Variants in RXFP2 observed in about 807,000 individuals in gnomAD.
The protein encoded by RXFP2 is relaxin receptor 2.
A neutral mutation model predicts 88.6 loss-of-function variants in RXFP2; 68 were observed. That is an observed-to-expected ratio of 0.77 (90% confidence interval 0.63 to 0.94). The LOEUF is 0.94. Ranked by LOEUF, RXFP2 falls within the 40% of genes least tolerant of loss-of-function variation. The pLI, the probability that RXFP2 is intolerant of heterozygous loss-of-function variation, is 0.00. For synonymous variants in RXFP2, 329 were observed against 306.8 expected, an observed-to-expected ratio of 1.07 and a Z score of -0.76; for missense variants, 791 against 893.9, an observed-to-expected ratio of 0.88 and a Z score of 1.47.
chr13:31,761,916 T>C, intron 3 of RXFP2, 115 bp downstream of exon 3: 1 of 704,876 alleles, frequency 1.4e-6, no homozygotes, highest in Non-Finnish European at 2.6e-6. Flanking sequence ...TTTAGTTCAA[T>C]GTATTTCACT....
rs191494115 is a variant in RXFP2, at chr13:31,790,270, G to A, written c.1145+1077G>A. On this transcript the variant is annotated intron_variant, in intron 14 of 17. Coordinates refer to ENST00000298386, the MANE Select transcript of RXFP2 (RefSeq NM_130806.5). Reference sequence around the variant, plus strand: ...AGTAGTGTGGTCACAGCGCAAGGGGGCCCTGAACCACTGAGAGATGCTAGA... The same window carrying A: ...AGTAGTGTGGTCACAGCGCAAGGGGACCCTGAACCACTGAGAGATGCTAGA... Among the ~76,000 whole-genome samples, 9 of 152,206 alleles carry A rather than the reference G, an allele frequency of 5.9e-5. No individual in the cohort carries two copies. In the East Asian group the frequency reaches 1.5e-3, roughly 26 times the overall value.
In RXFP2 at chr13:31,791,887, T is replaced by A. The variant is rs753697311; in HGVS notation, c.1227T>A (p.Phe409Leu). 3.1e-6 allele frequency: 5 copies of A among 1,614,218 alleles called. No individual in the cohort carries two copies. The highest frequency in any genetic ancestry group is 4.2e-6 in the Non-Finnish European group (5 of 1,180,034). Residue 409 changes from phenylalanine (F) to leucine (L), a missense_variant, in exon 15 of 18, where the codon TTT (phenylalanine) becomes TTA (leucine). Transcript: ENST00000298386. ...CMPLTDGISS[F>L]EDLLANNILR... ...CCTTGACGGACGGCATTTCTTCATTTGAGGACCTCTTGGCTAACAATATCC... is the reference window on the plus strand; with the variant it reads ...CCTTGACGGACGGCATTTCTTCATTAGAGGACCTCTTGGCTAACAATATCC...
rs775359709 is a variant in RXFP2 at position 31,792,740 on chromosome 13, G to A, written c.1438G>A (p.Gly480Arg). 3.7e-6 allele frequency: 6 copies of A among 1,614,010 alleles called. No homozygotes were observed. In the African/African-American group the frequency reaches 8.0e-5, roughly 22 times the overall value. The change falls in exon 16 of 18, where the codon GGG becomes AGG. Residue 480 changes from glycine (G) to arginine (R), a missense_variant. Coordinates refer to ENST00000298386, the MANE Select transcript of RXFP2 (RefSeq NM_130806.5). ...FVGIFDIKYR[G>R]QYQKYALLWM... Reference sequence around the variant, plus strand: ...TGGCATTTTCGATATAAAATACCGAGGGCAGTATCAGAAGTATGCCTTGCT... The same window carrying A: ...TGGCATTTTCGATATAAAATACCGAAGGCAGTATCAGAAGTATGCCTTGCT...
intron 5 of RXFP2, among the ~76,000 whole-genome samples, chr13:31,770,958 C>T (rs1342926176): frequency 6.6e-6 from 1 of 152,110 alleles, no homozygotes; most frequent in Non-Finnish European, 1.5e-5. Flanking sequence ...GCATCTTCAC[C>T]AGGGAGAAGA....
chr13:31,787,880 A>G (rs550227701), intron 13 of RXFP2, among the ~76,000 whole-genome samples: 15 of 152,322 alleles, frequency 9.8e-5, no homozygotes, highest in East Asian at 1.9e-4. Flanking sequence ...AGCTCAGGCA[A>G]TTCACCTGCC....
intron 7 of RXFP2, 89 bp downstream of exon 7, chr13:31,775,478 A>C (rs180775809): frequency 1.0e-6 from 1 of 978,828 alleles, no homozygotes; most frequent in East Asian, 2.4e-5. Context: ...TATTTGACAT[A>C]TCTTATTTTT....
At chr13:31,745,832 C>CTT (rs1871387549) in intron 1 of RXFP2, among the ~76,000 whole-genome samples, 3 of 152,180 alleles carry the variant, frequency 2.0e-5, no homozygotes, top group Non-Finnish European at 2.9e-5. Flanking sequence ...TAGACTTTGT[C>CTT]CTTCAGACTG....
intron 1 of RXFP2, among the ~76,000 whole-genome samples, chr13:31,740,979 A>G (rs1871207056): frequency 6.6e-6 from 1 of 152,048 alleles, no homozygotes; most frequent in African/African-American, 2.4e-5. Context: ...GGTTCTTAAG[A>G]CATGTCATAG....
At chr13:31,760,073 GTTGTTTGT>G (rs141810581) in intron 2 of RXFP2, among the ~76,000 whole-genome samples, 16 of 150,674 alleles carry the variant, frequency 1.1e-4, no homozygotes, top group Admixed American at 2.6e-4. Context: ...CAGTGTTGTT[GTTGTTTGT>G]TTGTTTGTTT....
intron 16 of RXFP2, among the ~76,000 whole-genome samples, chr13:31,793,499 T>G (rs1309786188): frequency 6.6e-6 from 1 of 151,786 alleles, no homozygotes; most frequent in Non-Finnish European, 1.5e-5. Flanking sequence ...AACTGACAAG[T>G]AAGAGATATC....
At chr13:31,791,071 C>T (rs530533658) in intron 14 of RXFP2, among the ~76,000 whole-genome samples, 21 of 152,222 alleles carry the variant, frequency 1.4e-4, no homozygotes, top group African/African-American at 2.2e-4. Context: ...AAGTAGCAAA[C>T]GAATAAAAAT....
intron 5 of RXFP2, among the ~76,000 whole-genome samples, chr13:31,767,104 G>T (rs1872578854): frequency 6.6e-6 from 1 of 152,156 alleles, no homozygotes; most frequent in Non-Finnish European, 1.5e-5. Context: ...AAAATTATCT[G>T]AATCTTTGCT....
chr13:31,744,087 G>C (rs1250616139), intron 1 of RXFP2, among the ~76,000 whole-genome samples: 1 of 151,810 alleles, frequency 6.6e-6, no homozygotes, highest in African/African-American at 2.4e-5. Flanking sequence ...TCTATTATTT[G>C]TCTCTATCCC....
intron 1 of RXFP2, among the ~76,000 whole-genome samples, chr13:31,755,485 TG>T (rs1330058178): frequency 6.6e-6 from 1 of 151,936 alleles, no homozygotes; most frequent in Non-Finnish European, 1.5e-5. Context: ...TGGGTACGGC[TG>T]GGTGCATGCT....
At position 31,765,091 on chromosome 13, in the gene RXFP2, T is replaced by C; in HGVS notation, c.374T>C (p.Val125Ala). ...CDCKETELEC[V>A]NGDLKSVPMI... ...TGCAAAGAAACTGAATTGGAATGTG[T>C]AAATGGTGACTTAAAGTCTGTGCCG... The change falls in exon 4 of 18, where the codon GTA (valine) becomes GCA (alanine). Residue 125 changes from valine to alanine, a missense_variant. Coordinates refer to ENST00000298386, the MANE Select transcript of RXFP2 (RefSeq NM_130806.5). 1 of 1,612,352 alleles carries C rather than the reference T, an allele frequency of 6.2e-7. No individual in the cohort carries two copies. Among genetic ancestry groups the C allele is most frequent in the South Asian group, 1.1e-5 (1 of 91,046 alleles).
chr13:31,775,197 C>A, intron 6 of RXFP2, 121 bp from the exon 7 acceptor site: 1 of 849,238 alleles, frequency 1.2e-6, no homozygotes, highest in Admixed American at 1.8e-5. Flanking sequence ...CTCATTCAGC[C>A]GAATACTTTC....
chr13:31,750,700 C>G lies in RXFP2; in HGVS notation c.95-7558C>G, dbSNP rs951034369. ...GGTTGGATGTGTCAAATGCAGAAAA[C>G]CAAGCAAGATGAGGACTATGAAAGA... On this transcript the variant is annotated intron_variant, in intron 1 of 17. Transcript: ENST00000298386. Among the ~76,000 whole-genome samples, 57 of 152,190 alleles carry G rather than the reference C, an allele frequency of 3.7e-4. No individual in the cohort carries two copies. In the Middle Eastern group the frequency reaches 0.014, roughly 36 times the overall value.
chr13:31,755,212 AC>A (rs1871883630), intron 1 of RXFP2, among the ~76,000 whole-genome samples: 1 of 152,220 alleles, frequency 6.6e-6, no homozygotes, highest in South Asian at 2.1e-4. Context: ...ATTATCACTA[AC>A]GAATGTGTTT....
chr13:31,757,636 G>A (rs1244123236), intron 1 of RXFP2, among the ~76,000 whole-genome samples: 1 of 152,140 alleles, frequency 6.6e-6, no homozygotes, highest in African/African-American at 2.4e-5. Flanking sequence ...ATTAGCTCAT[G>A]GTTTTACCTT....
Sources: gnomAD v4.1 joint callset for allele counts (sites outside exome capture counted in the v4.1 genomes callset) on GRCh38, gnomAD v4.1.1 for gene constraint, MANE v1.5 for transcripts, NCBI Gene and HGNC (gene_info 2026-07-23, HGNC 2026-07-21) for gene names.